The following LDAH variants were observed in gnomAD, a reference collection of about 807,000 sequenced individuals.
The protein encoded by LDAH is lipid droplet-associated hydrolase.
A neutral mutation model predicts 29.6 loss-of-function variants in LDAH; 26 were observed. That is an observed-to-expected ratio of 0.88 (90% CI 0.64 to 1.22). The LOEUF (loss-of-function observed/expected upper bound fraction) is 1.22. LDAH is among the 50% of genes most tolerant of loss of function. The pLI, the probability that LDAH is intolerant of heterozygous loss-of-function variation, is 0.00. For missense variants in LDAH, 344 were observed against 387.3 expected (o/e 0.89, Z 0.94); for synonymous variants, 117 against 133.0 (o/e 0.88, Z 0.83).
intron 1 of LDAH, among the ~76,000 whole-genome samples, chr2:20,821,777 TA>T (rs777416787): frequency 2.6e-4 from 40 of 151,644 alleles, no homozygotes; most frequent in Non-Finnish European, 4.6e-4. Context: ...TTAAAAAAAT[TA>T]AAAAAAAGAA....
intron 3 of LDAH, among the ~76,000 whole-genome samples, chr2:20,779,360 G>A (rs560805352): frequency 6.6e-6 from 1 of 152,096 alleles, no homozygotes; most frequent in African/African-American, 2.4e-5. Context: ...GGGGTGGGGC[G>A]GTGAGGGGAG....
intron 6 of LDAH, among the ~76,000 whole-genome samples, chr2:20,697,155 C>A (rs1298506483): frequency 6.6e-6 from 1 of 152,152 alleles, no homozygotes; most frequent in Non-Finnish European, 1.5e-5. Flanking sequence ...ATACAAGTAC[C>A]AAAATGAACC....
At position 20,793,043 on chromosome 2, in the gene LDAH, A is replaced by G. The variant is rs575039900; in HGVS notation, c.155-2645T>C. On this transcript the variant is annotated intron_variant, in intron 2 of 6. Coordinates refer to ENST00000237822, the MANE Select transcript of LDAH (RefSeq NM_021925.4). ...CATCATCAAGTAAATGATGATGCCA[A>G]TTACTTATGTTCATTAATTCTATTC... Among the ~76,000 whole-genome samples the G allele has an allele frequency of 2.2e-4, 33 of 152,268 alleles. 1 individual carries two copies. The highest frequency in any genetic ancestry group is 7.5e-4 in the African/African-American group (31 of 41,570).
At chr2:20,794,152 A>T (rs1281033289) in intron 2 of LDAH, among the ~76,000 whole-genome samples, 2 of 152,318 alleles carry the variant, frequency 1.3e-5, no homozygotes, top group East Asian at 3.9e-4. Context: ...GGATGGCAGC[A>T]GGCAAAAAGA....
chr2:20,753,766 G>A (rs2124915903), intron 4 of LDAH, among the ~76,000 whole-genome samples: 1 of 152,244 alleles, frequency 6.6e-6, no homozygotes, highest in East Asian at 1.9e-4. Flanking sequence ...TAGCCATGTG[G>A]CTAACTCTAC....
chr2:20,716,929 A>T (rs1450856091), intron 5 of LDAH, among the ~76,000 whole-genome samples: 1 of 150,328 alleles, frequency 6.7e-6, no homozygotes, highest in Non-Finnish European at 1.5e-5. Context: ...TTACCTACAT[A>T]CTGTGAGTTA....
intron 1 of LDAH, among the ~76,000 whole-genome samples, chr2:20,811,175 G>T (rs982050280): frequency 5.3e-5 from 8 of 151,710 alleles, no homozygotes; most frequent in African/African-American, 1.9e-4. Flanking sequence ...CCGCCACCAC[G>T]GCCGGCTAAT....
intron 1 of LDAH, among the ~76,000 whole-genome samples, chr2:20,815,756 A>G (rs1027717195): frequency 6.6e-5 from 10 of 152,140 alleles, no homozygotes; most frequent in African/African-American, 2.4e-4. Flanking sequence ...ACATATCTTT[A>G]GGAGGTTCTC....
chr2:20,742,725 T>C (rs919425122), intron 4 of LDAH, among the ~76,000 whole-genome samples: 2 of 152,110 alleles, frequency 1.3e-5, no homozygotes, highest in African/African-American at 4.8e-5. Flanking sequence ...CAACATACAG[T>C]TGAGTCTTGT....
At chr2:20,750,078 T>A (rs1276735391) in intron 4 of LDAH, among the ~76,000 whole-genome samples, 1 of 145,812 alleles carries the variant, frequency 6.9e-6, no homozygotes, top group Non-Finnish European at 1.5e-5. Flanking sequence ...CAGACTGGAG[T>A]GCCATGGTGC....
At chr2:20,772,836 G>A (rs1034521917) in intron 4 of LDAH, among the ~76,000 whole-genome samples, 3 of 152,150 alleles carry the variant, frequency 2.0e-5, no homozygotes, top group Admixed American at 6.5e-5. Context: ...CAACTCTCAA[G>A]GAATGGGATC....
At position 20,710,026 on chromosome 2, in the gene LDAH, C is replaced by G. The variant is rs1664597008; in HGVS notation, c.704-8374G>C. ...TTGCAAGAAACTAGAAAGAGAAGAG[C>G]AGTTAACTCTGAAGTAGGCAGGAAA... On this transcript the variant is annotated intron_variant, in intron 5 of 6. Transcript: ENST00000237822. Among the ~76,000 whole-genome samples, 5 of 152,010 alleles carry G rather than the reference C, an allele frequency of 3.3e-5. 1 individual carries two copies. The South Asian group carries it at 1.0e-3, about 31-fold the overall frequency.
At chr2:20,696,132 G>A (rs557586907) in intron 6 of LDAH, among the ~76,000 whole-genome samples, 1 of 152,340 alleles carries the variant, frequency 6.6e-6, no homozygotes, top group South Asian at 2.1e-4. Flanking sequence ...AACACAATCC[G>A]TTTCAGAATA....
At chr2:20,706,942 T>G (rs769616738) in intron 5 of LDAH, among the ~76,000 whole-genome samples, 2 of 152,258 alleles carry the variant, frequency 1.3e-5, no homozygotes, top group African/African-American at 2.4e-5. Flanking sequence ...TGTCTTCATT[T>G]TATGATGCTT....
intron 5 of LDAH, among the ~76,000 whole-genome samples, chr2:20,722,971 A>AT (rs1383029266): frequency 9.9e-5 from 15 of 152,192 alleles, no homozygotes; most frequent in Non-Finnish European, 5.9e-5. Flanking sequence ...TATGCATACC[A>AT]TATGACCTCT....
At chr2:20,704,977 G>A (rs1664203779) in intron 5 of LDAH, among the ~76,000 whole-genome samples, 1 of 152,128 alleles carries the variant, frequency 6.6e-6, no homozygotes, top group Admixed American at 6.5e-5. Context: ...TGTCATCCTT[G>A]GACTTCCCTT....
At chr2:20,699,337 G>A (rs1405651609) in intron 6 of LDAH, among the ~76,000 whole-genome samples, 1 of 152,128 alleles carries the variant, frequency 6.6e-6, no homozygotes, top group Non-Finnish European at 1.5e-5. Flanking sequence ...GTGTTTGGAA[G>A]GCAGGAAGCA....
chr2:20,715,630 C>G (rs1434424353), intron 5 of LDAH, among the ~76,000 whole-genome samples: 1 of 152,264 alleles, frequency 6.6e-6, no homozygotes, highest in Non-Finnish European at 1.5e-5. Context: ...ATTTAGAAAA[C>G]CCCATTGTCT....
At chr2:20,727,623 T>C (rs994855790) in intron 5 of LDAH, among the ~76,000 whole-genome samples, 2 of 152,218 alleles carry the variant, frequency 1.3e-5, no homozygotes, top group Non-Finnish European at 2.9e-5. Context: ...GAATATTTTT[T>C]AAAGTTAATT....
Sources: gnomAD v4.1 joint callset for allele counts (sites outside exome capture counted in the v4.1 genomes callset) on GRCh38, gnomAD v4.1.1 for gene constraint, MANE v1.5 for transcripts, NCBI Gene and HGNC (gene_info 2026-07-23, HGNC 2026-07-21) for gene names.